INPP5F: variants seen among roughly 807,000 people sequenced by gnomAD.
INPP5F encodes phosphatidylinositide 4-phosphatase SAC2.
INPP5F carries 97 observed loss-of-function variants against 137.2 expected under a neutral mutation model. The ratio of observed to expected loss-of-function variants is 0.71; its 90% confidence interval spans 0.60 to 0.84. INPP5F has a LOEUF of 0.84. Among genes scored for constraint, INPP5F ranks in the 40% least tolerant of loss-of-function variants. INPP5F has a pLI of 0.00. For synonymous variants in INPP5F, 504 were observed against 476.9 expected, an observed-to-expected ratio of 1.06 and a Z score of -0.74; for missense variants, 1,271 against 1,371.9, an observed-to-expected ratio of 0.93 and a Z score of 1.16.
intron 2 of INPP5F, among the ~76,000 whole-genome samples, chr10:119,775,056 C>CT (rs1321294905): frequency 1.3e-5 from 2 of 152,056 alleles, no homozygotes; most frequent in African/African-American, 4.8e-5. Context: ...ACGTCATAAT[C>CT]TAAGTTCTCT....
intron 2 of INPP5F, among the ~76,000 whole-genome samples, chr10:119,766,204 G>A (rs1009193473): frequency 6.6e-6 from 1 of 152,098 alleles, no homozygotes; most frequent in Admixed American, 6.6e-5. Context: ...TTCTATTCTG[G>A]CCCTCAGTGG....
chr10:119,791,695 A>G (rs771211114), intron 4 of INPP5F, 50 bp downstream of exon 4: 5 of 1,498,152 alleles, frequency 3.3e-6, no homozygotes, highest in Non-Finnish European at 4.6e-6. Context: ...ATTAGTTTTA[A>G]ATAGAGAGAT....
intron 15 of INPP5F, chr10:119,819,246 A>AGG (rs35971957): frequency 2.0e-5 from 1 of 50,190 alleles, no homozygotes; most frequent in Non-Finnish European, 3.2e-5. Context: ...TTTTTTTTAA[A>AGG]GGGGAAGGGT....
chr10:119,728,602 T>G (rs1344911403), intron 1 of INPP5F, among the ~76,000 whole-genome samples: 2 of 152,260 alleles, frequency 1.3e-5, no homozygotes, highest in Non-Finnish European at 2.9e-5. Flanking sequence ...CAAAAAAGCT[T>G]GTGGGCATCG....
intron 2 of INPP5F, among the ~76,000 whole-genome samples, chr10:119,759,767 A>T (rs1848956172): frequency 6.6e-6 from 1 of 152,190 alleles, no homozygotes; most frequent in South Asian, 2.1e-4. Flanking sequence ...GGAAGCAGGC[A>T]GCTAAGTGGT....
In INPP5F at chr10:119,827,749, T is replaced by G; in HGVS notation, c.3368T>G (p.Ile1123Arg). Residue 1123 changes from isoleucine to arginine, a missense_variant, in exon 20 of 20, where the codon ATA becomes AGA. Coordinates refer to ENST00000650623, the MANE Select transcript of INPP5F (RefSeq NM_014937.4). ...VQQNELKKMFIQCQTRIIQI is the reference protein window; with the variant it reads ...VQQNELKKMFRQCQTRIIQI ...CAAAATGAACTTAAAAAGATGTTTA[T>G]ACAATGCCAGACACGGATAATTCAG... 1.2e-6 allele frequency: 2 copies of G among 1,612,446 alleles called. No individual in the cohort carries two copies. The highest frequency in any genetic ancestry group is 3.3e-4 in the Middle Eastern group (2 of 6,056).
At chr10:119,814,927 G>A (rs1234407870) in intron 15 of INPP5F, among the ~76,000 whole-genome samples, 19 of 151,872 alleles carry the variant, frequency 1.3e-4, no homozygotes, top group African/African-American at 3.1e-4. Context: ...GTGCAGTGGC[G>A]CGATCTCGGC....
At chr10:119,730,676 G>A (rs551270442) in intron 1 of INPP5F, among the ~76,000 whole-genome samples, 2 of 152,150 alleles carry the variant, frequency 1.3e-5, no homozygotes, top group South Asian at 4.1e-4. Flanking sequence ...TTCACATTCT[G>A]TTCTGAGACT....
intron 8 of INPP5F, 117 bp downstream of exon 8, chr10:119,797,757 A>C (rs1850436595): frequency 1.4e-6 from 1 of 692,512 alleles, no homozygotes; most frequent in Admixed American, 3.6e-5. Context: ...CAAAACGATA[A>C]CTTGTATTTG....
At chr10:119,750,545 G>A (rs924579914) in intron 1 of INPP5F, among the ~76,000 whole-genome samples, 18 of 152,348 alleles carry the variant, frequency 1.2e-4, no homozygotes, top group East Asian at 1.9e-4. Flanking sequence ...TGATTGAGAT[G>A]CCTGGCACGT....
At chr10:119,791,064 A>G (rs1371083355) in intron 3 of INPP5F, among the ~76,000 whole-genome samples, 1 of 152,256 alleles carries the variant, frequency 6.6e-6, no homozygotes, top group African/African-American at 2.4e-5. Context: ...CCACTAGAGC[A>G]GGCTCTTAAG....
chr10:119,814,493 G>C (rs1851183811), intron 15 of INPP5F: 1 of 152,242 alleles, frequency 6.6e-6, no homozygotes, highest in Non-Finnish European at 1.5e-5. Context: ...CTTACCATCA[G>C]TGACACGTGT....
At chr10:119,812,976 C>G (rs552389026) in intron 15 of INPP5F, among the ~76,000 whole-genome samples, 1 of 151,772 alleles carries the variant, frequency 6.6e-6, no homozygotes, top group South Asian at 2.1e-4. Flanking sequence ...GGCAGCACAC[C>G]TGCATTTTCC....
chr10:119,738,585 TACAG>T (rs1445606534), intron 1 of INPP5F, among the ~76,000 whole-genome samples: 1 of 152,164 alleles, frequency 6.6e-6, no homozygotes, highest in Non-Finnish European at 1.5e-5. Context: ...ATGTCCTCTG[TACAG>T]ACAGACTCTT....
Position 119,736,745 on chromosome 10 carries a change from C to A in INPP5F, c.97+10386C>A, listed in dbSNP as rs1589662453. 2.0e-5 allele frequency among the ~76,000 whole-genome samples: 3 copies of A among 152,144 alleles called. No homozygotes were observed. The East Asian group carries it at 5.8e-4, about 29-fold the overall frequency. Reference sequence around the variant, plus strand: ...TTTGGATATTGTAGAGTTTAAGAACCAATTTCTAATTTCCTTCATGATGAT... The same window carrying A: ...TTTGGATATTGTAGAGTTTAAGAACAAATTTCTAATTTCCTTCATGATGAT... On this transcript the variant is annotated intron_variant, in intron 1 of 19. Transcript: ENST00000650623.
intron 1 of INPP5F, among the ~76,000 whole-genome samples, chr10:119,743,155 G>A (rs1848427291): frequency 1.3e-5 from 2 of 152,206 alleles, no homozygotes; most frequent in Admixed American, 6.5e-5. Flanking sequence ...GCCACCTTAA[G>A]TAGTAAATCC....
chr10:119,741,672 T>C (rs1337979467), intron 1 of INPP5F, among the ~76,000 whole-genome samples: 3 of 152,082 alleles, frequency 2.0e-5, no homozygotes, highest in Non-Finnish European at 4.4e-5. Flanking sequence ...GTAGCTGGGA[T>C]TACAGGTGCT....
chr10:119,791,864 T>C lies in INPP5F; in HGVS notation c.445-5T>C. ...CTGTAGTAATAGTAGATTAATTTCTTATAGGTTAAGGAAAGTAAAGAGAAG... is the reference window on the plus strand; with the variant it reads ...CTGTAGTAATAGTAGATTAATTTCTCATAGGTTAAGGAAAGTAAAGAGAAG... On this transcript the variant is annotated splice_polypyrimidine_tract_variant and splice_region_variant and intron_variant, in intron 4 of 19. Transcript: ENST00000650623. 6.3e-7 allele frequency: 1 copy of C among 1,582,160 alleles called. No individual in the cohort carries two copies. Among genetic ancestry groups the C allele is most frequent in the African/African-American group, 1.4e-5 (1 of 73,668 alleles).
chr10:119,767,067 T>C (rs532858250), intron 2 of INPP5F, among the ~76,000 whole-genome samples: 33 of 118,060 alleles, frequency 2.8e-4, no homozygotes, highest in African/African-American at 1.0e-3. Context: ...ATCATGCCAC[T>C]GCACTCCAGC....
Sources: allele counts gnomAD v4.1 joint callset (sites outside exome capture counted in the v4.1 genomes callset), GRCh38; gene constraint gnomAD v4.1.1; transcripts MANE v1.5; gene names NCBI Gene and HGNC (gene_info 2026-07-23, HGNC 2026-07-21).